CHRNB3: variants seen among roughly 807,000 people sequenced by gnomAD.
The protein encoded by CHRNB3 is cholinergic receptor nicotinic beta 3 subunit.
CHRNB3 carries 37 observed loss-of-function variants against 40.6 expected under a neutral mutation model. The observed-to-expected ratio is 0.91, with a 90% CI of 0.70 to 1.20. The LOEUF (loss-of-function observed/expected upper bound fraction) is 1.20. Ranked by LOEUF, CHRNB3 falls within the 50% of genes most tolerant of loss-of-function variation. CHRNB3 has a pLI of 0.00. For missense variants in CHRNB3, 505 were observed against 551.2 expected (o/e 0.92, Z 0.84); for synonymous variants, 207 against 207.1 (o/e 1.00, Z 0.00).
intron 1 of CHRNB3, among the ~76,000 whole-genome samples, chr8:42,703,529 G>A (rs1815863855): frequency 6.8e-6 from 1 of 147,810 alleles, no homozygotes; most frequent in African/African-American, 2.4e-5. Context: ...TTACTGAGAT[G>A]GATCTTAGAA....
chr8:42,727,358 G>A (rs184050675), intron 3 of CHRNB3, among the ~76,000 whole-genome samples: 34 of 141,662 alleles, frequency 2.4e-4, no homozygotes, highest in African/African-American at 9.1e-4. Flanking sequence ...GGGCGATAGA[G>A]TGAGACTCTG....
At chr8:42,725,907 C>T (rs1298928539) in intron 3 of CHRNB3, 33 of 854,316 alleles carry the variant, frequency 3.9e-5, no homozygotes, top group East Asian at 1.9e-4. Context: ...GGCAAAGTCT[C>T]GCAATGGTTC....
chr8:42,719,154 T>C (rs1816176333), intron 3 of CHRNB3, among the ~76,000 whole-genome samples: 1 of 152,042 alleles, frequency 6.6e-6, no homozygotes, highest in Non-Finnish European at 1.5e-5. Context: ...GCCACCAGGG[T>C]TTCAGAGAGA....
chr8:42,708,958 A>T, intron 2 of CHRNB3, 90 bp downstream of exon 2: 1 of 1,291,770 alleles, frequency 7.7e-7, no homozygotes, highest in Non-Finnish European at 1.0e-6. Context: ...TATGTCTGCC[A>T]TTTCAATTTT....
At chr8:42,703,812 C>G (rs1230005578) in intron 1 of CHRNB3, among the ~76,000 whole-genome samples, 1 of 152,108 alleles carries the variant, frequency 6.6e-6, no homozygotes, top group East Asian at 1.9e-4. Context: ...CTCAAAGGAT[C>G]AACTGTGAGA....
In CHRNB3 at chr8:42,734,221, A is replaced by C. The variant is rs1365790658; in HGVS notation, c.1242+1672A>C. On this transcript the variant is annotated intron_variant, in intron 5 of 5. Transcript: ENST00000289957. ...CAGTGAGCTGAGAGTGCACCACTGC[A>C]CTCCACTCCAGCCTGGCGACAGAGC... Among the ~76,000 whole-genome samples, 4 of 127,152 alleles carry C rather than the reference A, an allele frequency of 3.1e-5. No homozygotes were observed. The East Asian group carries it at 9.7e-4, about 31-fold the overall frequency. The allele number at this position is 127,152 out of a possible 152,430, so 83.4% of individuals were successfully genotyped here. A position where few individuals can be genotyped will look rare whatever the true frequency, so the allele number is the denominator to read the frequency against.
intron 3 of CHRNB3, among the ~76,000 whole-genome samples, chr8:42,723,104 CG>C (rs1563613131): frequency 2.3e-5 from 3 of 129,118 alleles, no homozygotes; most frequent in African/African-American, 5.8e-5. Context: ...ACTAAAATAT[CG>C]AATAGGATAT....
chr8:42,730,514 A>G (rs1243304854), intron 3 of CHRNB3, 80 bp from the exon 4 acceptor site: 2 of 869,512 alleles, frequency 2.3e-6, no homozygotes, highest in Non-Finnish European at 3.5e-6. Flanking sequence ...GGCTTGGTAA[A>G]GCTAACAGAA....
At chr8:42,732,580 C>T in intron 5 of CHRNB3, 31 bp downstream of exon 5, 1 of 1,533,458 alleles carries the variant, frequency 6.5e-7, no homozygotes, top group Non-Finnish European at 8.7e-7. Context: ...GATAATGCTG[C>T]CGTAAAGGTA....
At chr8:42,704,959 G>A (rs1048929525) in intron 1 of CHRNB3, among the ~76,000 whole-genome samples, 1 of 152,136 alleles carries the variant, frequency 6.6e-6, no homozygotes. Flanking sequence ...GAAATTTGGA[G>A]ACCAATAGTA....
chr8:42,732,091 G>A lies in CHRNB3; in HGVS notation c.784G>A (p.Gly262Arg), dbSNP rs1178549482. Residue 262 changes from glycine to arginine, a missense_variant, in exon 5 of 6, where the codon GGA (glycine) becomes AGA (arginine). Physicochemically the swap from Gly to Arg is moderately radical, Grantham distance 125. Transcript: ENST00000289957. Reference protein sequence around the residue: ...VLVFYLPSDEGEKLSLSTSVL... With the variant: ...VLVFYLPSDEREKLSLSTSVL... Reference sequence around the variant, plus strand: ...TGTGTTCTATTTACCTTCGGATGAAGGAGAAAAACTTTCATTATCCACATC... The same window carrying A: ...TGTGTTCTATTTACCTTCGGATGAAAGAGAAAAACTTTCATTATCCACATC... 6.2e-7 allele frequency: 1 copy of A among 1,613,928 alleles called. No individual in the cohort carries two copies. The highest frequency in any genetic ancestry group is 8.5e-7 in the Non-Finnish European group (1 of 1,180,028).
chr8:42,711,274 C>T (rs567199906), intron 3 of CHRNB3, among the ~76,000 whole-genome samples: 5 of 152,142 alleles, frequency 3.3e-5, no homozygotes, highest in Admixed American at 2.0e-4. Context: ...CATGCCACTG[C>T]ATTCCAGCCT....
At chr8:42,699,882 CTTT>C (rs576300946) in intron 1 of CHRNB3, among the ~76,000 whole-genome samples, 42 of 117,526 alleles carry the variant, frequency 3.6e-4, no homozygotes, top group Non-Finnish European at 3.8e-4. Context: ...TTGTGGTATG[CTTT>C]TTTTTTTTTT....
intron 3 of CHRNB3, among the ~76,000 whole-genome samples, chr8:42,713,328 A>G (rs1336942042): frequency 6.6e-6 from 1 of 152,052 alleles, no homozygotes; most frequent in Admixed American, 6.6e-5. Flanking sequence ...CAGCTTTGGA[A>G]AGGACTTCCC....
At chr8:42,712,220 T>C (rs544654103) in intron 3 of CHRNB3, among the ~76,000 whole-genome samples, 26 of 152,306 alleles carry the variant, frequency 1.7e-4, no homozygotes, top group African/African-American at 6.3e-4. Flanking sequence ...CTTGAACTCC[T>C]GGCCTCAGGT....
Position 42,736,676 on chromosome 8 carries a change from A to G in CHRNB3, c.*58A>G, listed in dbSNP as rs148862863. The G allele has an allele frequency of 6.3e-4, 1,002 of 1,598,484 alleles. 7 individuals carry two copies. The African/African-American group carries it at 0.012, about 20-fold the overall frequency. ...TAGACCTGACATCTGGCTATCACAC[A>G]GACAGAATCCAAATGCATGTGCTTG... On this transcript the variant is annotated 3_prime_UTR_variant, in exon 6 of 6. Coordinates refer to ENST00000289957, the MANE Select transcript of CHRNB3 (RefSeq NM_000749.5).
At chr8:42,733,449 A>G (rs1390441687) in intron 5 of CHRNB3, among the ~76,000 whole-genome samples, 1 of 152,040 alleles carries the variant, frequency 6.6e-6, no homozygotes, top group Non-Finnish European at 1.5e-5. Context: ...TCTGAATCCT[A>G]CCTTGAAAAG....
At chr8:42,699,915 T>A in intron 1 of CHRNB3, among the ~76,000 whole-genome samples, 1 of 132,942 alleles carries the variant, frequency 7.5e-6, no homozygotes, top group Non-Finnish European at 1.6e-5. Context: ...GAGGCGGCAA[T>A]AGTGGAAGGA....
At chr8:42,727,927 C>T (rs1816339622) in intron 3 of CHRNB3, among the ~76,000 whole-genome samples, 1 of 151,914 alleles carries the variant, frequency 6.6e-6, no homozygotes, top group Admixed American at 6.6e-5. Context: ...TCTTCGTGAC[C>T]CTGTGTTAAG....
Sources: gnomAD v4.1 joint callset for allele counts (sites outside exome capture counted in the v4.1 genomes callset) on GRCh38, gnomAD v4.1.1 for gene constraint, MANE v1.5 for transcripts, NCBI Gene and HGNC (gene_info 2026-07-23, HGNC 2026-07-21) for gene names.